SLC25A25: variants seen among roughly 807,000 people sequenced by gnomAD.
The protein encoded by SLC25A25 is mitochondrial adenyl nucleotide antiporter SLC25A25.
Under a neutral mutation model 57.7 loss-of-function variants are expected in SLC25A25, and 32 were observed. That is an observed-to-expected ratio of 0.55 (90% CI 0.42 to 0.74). The LOEUF is 0.74. SLC25A25 is among the 30% of genes least tolerant of loss of function. The pLI, the probability that SLC25A25 is intolerant of heterozygous loss-of-function variation, is 0.00. For synonymous variants in SLC25A25, 306 were observed against 291.2 expected (o/e 1.05, Z -0.52); for missense variants, 556 against 701.3 (o/e 0.79, Z 2.34).
Position 128,103,159 on chromosome 9 carries a change from C to A in SLC25A25, c.625-522C>A, listed in dbSNP as rs941646866. On this transcript the variant is annotated intron_variant, in intron 5 of 10. Coordinates refer to ENST00000373069, the MANE Select transcript of SLC25A25 (RefSeq NM_001330988.2). This position sits in a 1 kb window ranked among gnomAD's most constrained non-coding sequence, Gnocchi z 6.7. ...GGGTGGGAGTAGCTGGCCCAGAGCT[C>A]TGGCCTTTAGCCCTGGGATCAGAGC... 2.0e-5 allele frequency among the ~76,000 whole-genome samples: 3 copies of A among 152,180 alleles called. No individual in the cohort carries two copies. Among genetic ancestry groups the A allele is most frequent in the Admixed American group, 2.0e-4 (3 of 15,288 alleles).
intron 1 of SLC25A25, among the ~76,000 whole-genome samples, chr9:128,094,135 A>T (rs1833493389): frequency 6.6e-6 from 1 of 152,138 alleles, no homozygotes; most frequent in South Asian, 2.1e-4. Flanking sequence ...GTGACAGAGC[A>T]AGACTCTGTT....
At chr9:128,078,039 A>AT (rs1491519380) in intron 1 of SLC25A25, among the ~76,000 whole-genome samples, 2 of 151,282 alleles carry the variant, frequency 1.3e-5, no homozygotes, top group African/African-American at 4.9e-5. Context: ...AAAAAAAAAA[A>AT]GGGTGATTTG....
At chr9:128,082,534 T>C (rs1283139991) in intron 1 of SLC25A25, among the ~76,000 whole-genome samples, 4 of 152,242 alleles carry the variant, frequency 2.6e-5, no homozygotes, top group Non-Finnish European at 5.9e-5. Flanking sequence ...AGCCTGGCAC[T>C]GCCATATATC....
At position 128,095,282 on chromosome 9, in the gene SLC25A25, T is replaced by C. The variant is rs1452451767; in HGVS notation, c.262-5814T>C. On this transcript the variant is annotated intron_variant, in intron 1 of 10. Transcript: ENST00000373069. The surrounding 1 kb of genome is among the most constrained non-coding windows in gnomAD (Gnocchi z 4.4). The stretch of plus-strand genomic sequence containing the variant: ...TACTAAAATCTGTTTTGGGTGCTGT[T>C]TGAAGTGGATGTTGTAACAAGAACC... Among the ~76,000 whole-genome samples, 2 of 152,168 alleles carry C rather than the reference T, an allele frequency of 1.3e-5. No individual in the cohort carries two copies. Among genetic ancestry groups the C allele is most frequent in the Non-Finnish European group, 2.9e-5 (2 of 68,026 alleles).
chr9:128,106,958 G>A (rs1834066936), intron 9 of SLC25A25, 71 bp from the exon 10 acceptor site: 76 of 1,553,492 alleles, frequency 4.9e-5, no homozygotes, highest in Non-Finnish European at 6.7e-5. Context: ...TGAGGACCCA[G>A]TAACAGCCCC....
chr9:128,107,504 A>G lies in SLC25A25; in HGVS notation c.*60A>G. The G allele has an allele frequency of 6.7e-7, 1 of 1,486,690 alleles. No homozygotes were observed. Among genetic ancestry groups the G allele is most frequent in the South Asian group, 1.4e-5 (1 of 70,580 alleles). 92.1% of individuals were successfully genotyped at this position (1,486,690 alleles called of 1,614,324 possible). The stretch of plus-strand genomic sequence containing the variant: ...TCCTGGGCCGCAGCCTGGGGTGTGC[A>G]GCCATCTCATTCTGTGAATGTGCCA... On this transcript the variant is annotated 3_prime_UTR_variant, in exon 11 of 11. Coordinates refer to ENST00000373069, the MANE Select transcript of SLC25A25 (RefSeq NM_001330988.2).
At chr9:128,068,729 T>C (rs1412802112) in intron 1 of SLC25A25, 149 bp downstream of exon 1, 7 of 918,152 alleles carry the variant, frequency 7.6e-6, no homozygotes, top group African/African-American at 1.7e-5. Context: ...ACCCCACTTA[T>C]GCCCTGGTGG....
At chr9:128,106,283 C>CAGT in intron 8 of SLC25A25, 26 bp downstream of exon 8, 1 of 1,614,004 alleles carries the variant, frequency 6.2e-7, no homozygotes, top group African/African-American at 1.3e-5. Context: ...GGTCCTGGGG[C>CAGT]GGGCAGTGGG....
chr9:128,089,634 C>CT (rs11307596), intron 1 of SLC25A25, among the ~76,000 whole-genome samples: 7 of 126,298 alleles, frequency 5.5e-5, no homozygotes, highest in African/African-American at 2.1e-4. Context: ...TCCAGATTGT[C>CT]TTTTTTTTTT....
intron 1 of SLC25A25, among the ~76,000 whole-genome samples, chr9:128,083,603 G>A (rs554900780): frequency 2.8e-5 from 4 of 142,906 alleles, no homozygotes; most frequent in Admixed American, 7.7e-5. Context: ...TCCGCCTCCC[G>A]GGCTTACGCC....
rs779540699 is a variant in SLC25A25 at position 128,106,440 on chromosome 9, G to A, written c.1132G>A (p.Val378Met). Residue 378 changes from valine to methionine, a missense_variant, in exon 9 of 11, where the codon GTG (valine) becomes ATG (methionine). Val to Met is a conservative substitution (Grantham distance 21). Transcript: ENST00000373069. ...CAGGAGGATCCTGGCCAGAGAGGGG[G>A]TGGCCGCCTTCTACAAAGGCTATGT... ...CARRILAREGVAAFYKGYVPN... is the reference protein window; with the variant it reads ...CARRILAREGMAAFYKGYVPN... The A allele has an allele frequency of 1.2e-6, 2 of 1,613,568 alleles. No homozygotes were observed. Among genetic ancestry groups the A allele is most frequent in the Admixed American group, 1.7e-5 (1 of 60,018 alleles).
rs199564503 is a variant in SLC25A25, at chr9:128,103,788, C to T, written c.732C>T (p.Ala244=). 11 of 1,613,154 alleles carry T rather than the reference C, an allele frequency of 6.8e-6. No individual in the cohort carries two copies. Among genetic ancestry groups the T allele is most frequent in the African/African-American group, 1.3e-5 (1 of 74,908 alleles). ...TGGTGGCAGGAGGTGGGGCAGGGGC[C>T]GTATCCAGAACCTGCACGGCCCCCC... ...RHLVAGGGAG[A]VSRTCTAPLD... is the part of the protein sequence containing the mutation. The change falls in exon 6 of 11, where the codon GCC becomes GCT. Residue 244 remains alanine (A), a synonymous_variant. Transcript: ENST00000373069. The surrounding 1 kb of genome is among the most constrained non-coding windows in gnomAD (Gnocchi z 6.7).
At chr9:128,100,533 G>C (rs1833745377) in intron 1 of SLC25A25, among the ~76,000 whole-genome samples, 1 of 152,296 alleles carries the variant, frequency 6.6e-6, no homozygotes, top group Middle Eastern at 3.4e-3. Context: ...CCCGGCCTCG[G>C]GTGCTGTGGC....
chr9:128,075,584 A>C (rs905979998), intron 1 of SLC25A25, among the ~76,000 whole-genome samples: 1 of 152,048 alleles, frequency 6.6e-6, no homozygotes, highest in African/African-American at 2.4e-5. Context: ...ACTTACACCT[A>C]TAATCTCAGC....
At chr9:128,091,766 C>T in intron 1 of SLC25A25, 1 of 1,492,278 alleles carries the variant, frequency 6.7e-7, no homozygotes, top group South Asian at 1.4e-5. Context: ...CCTGAGAACC[C>T]CAGGCCCGTC....
chr9:128,084,218 C>A (rs1205032364), intron 1 of SLC25A25, among the ~76,000 whole-genome samples: 1 of 151,778 alleles, frequency 6.6e-6, no homozygotes, highest in Non-Finnish European at 1.5e-5. Context: ...ACCCTCCTCT[C>A]TGCAATTCAG....
At chr9:128,079,863 C>T (rs7851849) in intron 1 of SLC25A25, among the ~76,000 whole-genome samples, 34,646 of 151,180 alleles carry the variant, frequency 0.23, 4,912 homozygotes, top group African/African-American at 0.4. Context: ...TGGTGGTGCA[C>T]GCCTGTAGTC....
chr9:128,102,380 A>G lies in SLC25A25; in HGVS notation c.523A>G (p.Asn175Asp). ...FWGPVTYMDK[N>D]GTMTIDWNEW... is the part of the protein sequence containing the mutation. ...GCCTCTGTCTTGCAGCATGGATAAAAACGGCACGATGACCATTGACTGGAA... is the reference window on the plus strand; with the variant it reads ...GCCTCTGTCTTGCAGCATGGATAAAGACGGCACGATGACCATTGACTGGAA... The change falls in exon 5 of 11, where the codon AAC becomes GAC. Residue 175 changes from asparagine to aspartate, a missense_variant. Around this residue, in one of 3 missense-constraint regions of SLC25A25, gnomAD observed 248 missense variants for 273.5 expected, o/e 0.91. Coordinates refer to ENST00000373069, the MANE Select transcript of SLC25A25 (RefSeq NM_001330988.2). This position sits in a 1 kb window ranked among gnomAD's most constrained non-coding sequence, Gnocchi z 4.1. 6.2e-7 allele frequency: 1 copy of G among 1,613,916 alleles called. No individual in the cohort carries two copies. The highest frequency in any genetic ancestry group is 8.5e-7 in the Non-Finnish European group (1 of 1,179,910).
intron 1 of SLC25A25, chr9:128,091,506 C>T (rs1833402939): frequency 1.0e-6 from 1 of 989,242 alleles, no homozygotes; most frequent in Non-Finnish European, 1.2e-6. Context: ...TTGCTTGCTG[C>T]CTCCGGGAGT....
Sources: allele counts gnomAD v4.1 joint callset (sites outside exome capture counted in the v4.1 genomes callset), GRCh38; gene constraint gnomAD v4.1.1; regional missense constraint gnomAD v4.1.1; non-coding constraint Gnocchi (gnomAD v3.1); transcripts MANE v1.5; gene names NCBI Gene and HGNC (gene_info 2026-07-23, HGNC 2026-07-21).